The following NUDT3 variants were observed in gnomAD, a reference collection of about 807,000 sequenced individuals.
NUDT3 encodes nudix hydrolase 3, also known as diphosphoinositol polyphosphate phosphohydrolase 1.
Under a neutral mutation model 23.6 loss-of-function variants are expected in NUDT3, and 9 were observed. The ratio of observed to expected loss-of-function variants is 0.38; its 90% CI spans 0.23 to 0.66. The LOEUF is 0.66. NUDT3 is among the 30% of genes least tolerant of loss of function. The probability of loss-of-function intolerance (pLI) is 0.52; values close to 1 mark genes in which losing one functional copy is unlikely to be tolerated. For synonymous variants in NUDT3, 86 were observed against 82.6 expected, an observed-to-expected ratio of 1.04 and a Z score of -0.22; for missense variants, 172 against 218.5, an observed-to-expected ratio of 0.79 and a Z score of 1.34.
At chr6:34,392,237 C>T (rs1330338291) in intron 1 of NUDT3, 27 bp downstream of exon 1, 1 of 1,545,082 alleles carries the variant, frequency 6.5e-7, no homozygotes, top group Middle Eastern at 1.9e-4. Flanking sequence ...ACCCGGCGAC[C>T]CCGGCCCGCC....
At chr6:34,296,734 G>C (rs914642169) in intron 2 of NUDT3, among the ~76,000 whole-genome samples, 1 of 152,160 alleles carries the variant, frequency 6.6e-6, no homozygotes, top group African/African-American at 2.4e-5. Flanking sequence ...GATCCCATGG[G>C]ATTAAGACCC....
At chr6:34,380,507 T>C (rs567942684) in intron 1 of NUDT3, among the ~76,000 whole-genome samples, 2 of 152,260 alleles carry the variant, frequency 1.3e-5, no homozygotes, top group South Asian at 2.1e-4. Flanking sequence ...CAAGAGTCAC[T>C]GCAGCCAGCT....
intron 2 of NUDT3, among the ~76,000 whole-genome samples, chr6:34,305,522 G>T (rs1338147028): frequency 6.6e-6 from 1 of 152,000 alleles, no homozygotes; most frequent in East Asian, 1.9e-4. Flanking sequence ...GGTTTTGTTG[G>T]TCATTTCTAT....
chr6:34,334,405 G>A (rs1361121672), intron 2 of NUDT3, among the ~76,000 whole-genome samples: 9 of 152,228 alleles, frequency 5.9e-5, no homozygotes, highest in African/African-American at 1.7e-4. Context: ...TTGGGAGGCC[G>A]AGGCAGGTGG....
chr6:34,385,693 T>C (rs1765094224), intron 1 of NUDT3, among the ~76,000 whole-genome samples: 1 of 151,944 alleles, frequency 6.6e-6, no homozygotes, highest in Admixed American at 6.6e-5. Context: ...TTTCTTTTTT[T>C]TTTTTTTTGA....
At chr6:34,328,622 A>G (rs1354212964) in intron 2 of NUDT3, among the ~76,000 whole-genome samples, 1 of 152,112 alleles carries the variant, frequency 6.6e-6, no homozygotes, top group Non-Finnish European at 1.5e-5. Flanking sequence ...GCTAGGCTCA[A>G]GCAATCCTCC....
At chr6:34,345,205 C>A (rs948753293) in intron 1 of NUDT3, among the ~76,000 whole-genome samples, 2 of 151,754 alleles carry the variant, frequency 1.3e-5, no homozygotes. Context: ...CCCACGACCA[C>A]GTCCAGCTAA....
At chr6:34,333,739 T>C (rs1764164374) in intron 2 of NUDT3, among the ~76,000 whole-genome samples, 1 of 152,244 alleles carries the variant, frequency 6.6e-6, no homozygotes, top group Non-Finnish European at 1.5e-5. Context: ...TTCACTACTC[T>C]GAGCACAGCT....
chr6:34,301,411 T>G (rs1763595030), intron 2 of NUDT3, among the ~76,000 whole-genome samples: 1 of 152,252 alleles, frequency 6.6e-6, no homozygotes. Flanking sequence ...ACTTGCCTTG[T>G]GTCTTCGGCC....
rs149840096 is a variant in NUDT3, at chr6:34,346,059, G to A, written c.100-4087C>T. 1.3e-3 allele frequency among the ~76,000 whole-genome samples: 190 copies of A among 151,978 alleles called. 1 individual carries two copies. In the East Asian group the frequency reaches 0.013, roughly 11 times the overall value. ...GTTGGGATTACAGGTGTGAGCCACC[G>A]CGCCCGGCCAAGTTTTATATTACTA... On this transcript the variant is annotated intron_variant, in intron 1 of 4. Transcript: ENST00000607016.
chr6:34,353,332 T>G (rs1379967344), intron 1 of NUDT3, among the ~76,000 whole-genome samples: 5 of 152,132 alleles, frequency 3.3e-5, no homozygotes, highest in Non-Finnish European at 5.9e-5. Flanking sequence ...CAAACATGCA[T>G]AAAAGCAGAG....
Position 34,303,961 on chromosome 6 carries a change from T to A in NUDT3, c.211-8276A>T, listed in dbSNP as rs145105517. 4.4e-3 allele frequency among the ~76,000 whole-genome samples: 673 copies of A among 152,220 alleles called. 3 individuals are homozygous for A. Among genetic ancestry groups the A allele is most frequent in the African/African-American group, 0.014 (569 of 41,532 alleles). ...TTACTATCTGGCCCTTTATAGAAAG[T>A]CTGCTACGAGGCCAGGCGCAGTGGC... On this transcript the variant is annotated intron_variant, in intron 2 of 4. Transcript: ENST00000607016.
At chr6:34,293,427 C>G in intron 4 of NUDT3, 24 bp downstream of exon 4, 3 of 1,613,852 alleles carry the variant, frequency 1.9e-6, no homozygotes. Flanking sequence ...GGAACCCTTT[C>G]CAGGCTGTCT....
chr6:34,296,578 TA>T (rs1763502649), intron 2 of NUDT3, among the ~76,000 whole-genome samples: 2 of 151,862 alleles, frequency 1.3e-5, no homozygotes, highest in African/African-American at 4.8e-5. Flanking sequence ...TGTCGGTAAA[TA>T]CATACATACA....
rs1400601345 is a variant in NUDT3, at chr6:34,287,709, G to C, written c.*1044C>G. 6.6e-6 allele frequency: 1 copy of C among 152,246 alleles called. No individual in the cohort carries two copies. The highest frequency in any genetic ancestry group is 1.9e-4 in the East Asian group (1 of 5,196). The allele number at this position is 152,246 out of a possible 1,614,324, so 9.4% of individuals were successfully genotyped here. A position where few individuals can be genotyped will look rare whatever the true frequency, so the allele number is the denominator to read the frequency against. ...TTCAGAGCACATGGATGATACCCAG[G>C]TCAGCACGGTGTAAGGCATATATGG... On this transcript the variant is annotated 3_prime_UTR_variant, in exon 5 of 5. Transcript: ENST00000607016.
intron 1 of NUDT3, among the ~76,000 whole-genome samples, chr6:34,391,180 A>G (rs1581908536): frequency 6.6e-6 from 1 of 152,284 alleles, no homozygotes; most frequent in East Asian, 1.9e-4. Flanking sequence ...GCTTCTTTTC[A>G]TAACTAACGG....
intron 1 of NUDT3, among the ~76,000 whole-genome samples, chr6:34,349,313 T>C (rs1237341392): frequency 6.6e-6 from 1 of 151,950 alleles, no homozygotes; most frequent in South Asian, 2.1e-4. Flanking sequence ...TCCAGATACA[T>C]AGAAAGAAGA....
intron 1 of NUDT3, among the ~76,000 whole-genome samples, chr6:34,352,962 C>T (rs1252201084): frequency 6.6e-6 from 1 of 152,136 alleles, no homozygotes; most frequent in African/African-American, 2.4e-5. Context: ...GTCTAGAATT[C>T]GTCTTCCTAA....
At chr6:34,298,041 C>A (rs1026135323) in intron 2 of NUDT3, among the ~76,000 whole-genome samples, 1 of 151,780 alleles carries the variant, frequency 6.6e-6, no homozygotes, top group African/African-American at 2.4e-5. Context: ...ATCAACTTAA[C>A]ATTATGACAA....
Sources: gnomAD v4.1 joint callset for allele counts (sites outside exome capture counted in the v4.1 genomes callset) on GRCh38, gnomAD v4.1.1 for gene constraint, MANE v1.5 for transcripts, NCBI Gene and HGNC (gene_info 2026-07-23, HGNC 2026-07-21) for gene names.